SPEG: variants seen among roughly 807,000 people sequenced by gnomAD.
SPEG encodes the protein striated muscle preferentially expressed protein kinase.
A neutral mutation model predicts 300.4 loss-of-function variants in SPEG; 114 were observed. The observed-to-expected ratio is 0.38, with a 90% CI of 0.33 to 0.44. The LOEUF is 0.44. Among genes scored for constraint, SPEG ranks in the 20% least tolerant of loss-of-function variants. The probability of loss-of-function intolerance (pLI) is 1.00; values close to 1 mark genes in which losing one functional copy is unlikely to be tolerated. For missense variants in SPEG, 4,201 were observed against 4,586.2 expected, an observed-to-expected ratio of 0.92 and a Z score of 2.43; for synonymous variants, 1,964 against 2,018.9, an observed-to-expected ratio of 0.97 and a Z score of 0.73.
In SPEG at chr2:219,441,412, C is replaced by G. The variant is rs549465808; in HGVS notation, c.389-3241C>G. ...GCCTTAGGGTTTTCACAGTCTGAGT[C>G]CATGTTAACACGCAGTCCACACCCG... On this transcript the variant is annotated intron_variant, in intron 1 of 40. Transcript: ENST00000312358. The G allele has an allele frequency of 3.2e-3, 1,386 of 436,616 alleles. 18 individuals carry two copies. Among genetic ancestry groups the G allele is most frequent in the South Asian group, 0.019 (1,127 of 60,818 alleles). 27.0% of individuals were successfully genotyped at this position (436,616 alleles called of 1,614,324 possible). A position where few individuals can be genotyped will look rare whatever the true frequency, so the allele number is the denominator to read the frequency against.
chr2:219,453,525 C>T (rs1284810124), intron 6 of SPEG, among the ~76,000 whole-genome samples: 1 of 152,202 alleles, frequency 6.6e-6, no homozygotes, highest in Non-Finnish European at 1.5e-5. Flanking sequence ...CCCATCTGTG[C>T]CTTAGGGACT....
chr2:219,475,736 C>T (rs910042608), intron 18 of SPEG, among the ~76,000 whole-genome samples: 3 of 152,316 alleles, frequency 2.0e-5, no homozygotes, highest in East Asian at 1.9e-4. Context: ...GAACAGTGAC[C>T]GATGGAGCCC....
Position 219,435,371 on chromosome 2 carries a change from G to T in SPEG, c.388+6G>T. The T allele has an allele frequency of 6.5e-7, 1 of 1,528,208 alleles. No homozygotes were observed. The highest frequency in any genetic ancestry group is 2.5e-5 in the East Asian group (1 of 40,130). The allele number at this position is 1,528,208 out of a possible 1,614,324, so 94.7% of individuals were successfully genotyped here. A position where few individuals can be genotyped will look rare whatever the true frequency, so the allele number is the denominator to read the frequency against. ...CACAGTGCTGGAGGTCGGAGGTAAA[G>T]GGCAGGTGGGGGCCGCGCCCGGCAG... On this transcript the variant is annotated splice_donor_region_variant and intron_variant, in intron 1 of 40. Transcript: ENST00000312358.
chr2:219,448,050 C>A lies in SPEG; in HGVS notation c.892C>A (p.Pro298Thr). 2.5e-6 allele frequency: 4 copies of A among 1,611,622 alleles called. No homozygotes were observed. The highest frequency in any genetic ancestry group is 3.4e-6 in the Non-Finnish European group (4 of 1,179,634). The change falls in exon 4 of 41, where the codon CCT becomes ACT. Residue 298 changes from proline to threonine, a missense_variant. By Grantham distance (38) the Pro-to-Thr change is conservative. Around this residue, in one of 4 missense-constraint regions of SPEG, gnomAD observed 1,258 missense variants for 1,293.9 expected, o/e 0.97. Coordinates refer to ENST00000312358, the MANE Select transcript of SPEG (RefSeq NM_005876.5). ...ACTGGCCAGCGAAGCCCCACGCCGCCCTGCCCAGCCGCCTCCTTCCAAATC... is the reference window on the plus strand; with the variant it reads ...ACTGGCCAGCGAAGCCCCACGCCGCACTGCCCAGCCGCCTCCTTCCAAATC... ...PQLASEAPRR[P>T]AQPPPSKSAL... is the part of the protein sequence containing the mutation.
At chr2:219,466,438 G>C in intron 9 of SPEG, 1 of 1,247,294 alleles carries the variant, frequency 8.0e-7, no homozygotes, top group African/African-American at 1.5e-5. Context: ...CTGTGTGTCT[G>C]TGACAGTCAG....
chr2:219,489,321 T>TTC lies in SPEG; in HGVS notation c.8318-5_8318-4dup. Reference sequence around the variant, plus strand: ...GCCCCAAGGCACCACGGTGATGATTTTCTCTCTCTCTTAGATTCTTCAGCT... The same window carrying TTC: ...GCCCCAAGGCACCACGGTGATGATTTTCTCTCTCTCTCTTAGATTCTTCAGCT... On this transcript the variant is annotated splice_polypyrimidine_tract_variant and intron_variant, in intron 35 of 40. Coordinates refer to ENST00000312358, the MANE Select transcript of SPEG (RefSeq NM_005876.5). 2 of 1,613,302 alleles carry TTC rather than the reference T, an allele frequency of 1.2e-6. No homozygotes were observed. Among genetic ancestry groups the TTC allele is most frequent in the South Asian group, 2.2e-5 (2 of 91,036 alleles).
intron 1 of SPEG, among the ~76,000 whole-genome samples, chr2:219,440,114 G>A (rs1954819920): frequency 6.6e-6 from 1 of 152,222 alleles, no homozygotes. Flanking sequence ...CAGGTGCGGT[G>A]GCTCATGCCT....
Position 219,464,856 on chromosome 2 carries a change from A to G in SPEG, c.2881+248A>G. 4.1e-6 allele frequency: 2 copies of G among 482,746 alleles called. No individual in the cohort carries two copies. The highest frequency in any genetic ancestry group is 7.4e-6 in the Non-Finnish European group (2 of 270,120). The allele number at this position is 482,746 out of a possible 1,614,324, so 29.9% of individuals were successfully genotyped here. The stretch of plus-strand genomic sequence containing the variant: ...ACAACACCACCTTCCCTGTTGCTCC[A>G]TCACGGAGCCCTGGCGGCAGCCAGA... On this transcript the variant is annotated intron_variant, in intron 9 of 40. Coordinates refer to ENST00000312358, the MANE Select transcript of SPEG (RefSeq NM_005876.5). This position sits in a 1 kb window ranked among gnomAD's most constrained non-coding sequence, Gnocchi z 4.5.
Position 219,467,296 on chromosome 2 carries a change from C to T in SPEG, c.3004C>T (p.Leu1002=), listed in dbSNP as rs114572727. The part of the protein sequence containing the change: ...AGPTDVEVDW[L]CRGRLLQPAL... ...GCCCACTGACGTGGAGGTGGATTGG[C>T]TGTGCCGTGGCCGCCTGCTGCAGCC... Residue 1002 remains leucine, a synonymous_variant, in exon 10 of 41, where the codon CTG becomes TTG. Transcript: ENST00000312358. 5.0e-4 allele frequency: 804 copies of T among 1,610,536 alleles called. 5 individuals are homozygous for T. In the African/African-American group the frequency reaches 9.7e-3, roughly 19 times the overall value.
chr2:219,476,812 C>A (rs1692385700), intron 18 of SPEG, 58 bp from the exon 19 acceptor site: 1 of 1,363,140 alleles, frequency 7.3e-7, no homozygotes, highest in Non-Finnish European at 1.0e-6. Context: ...GCTGAGGAGG[C>A]AGGGTAAAGC....
At chr2:219,457,068 T>C (rs1283543784) in intron 6 of SPEG, among the ~76,000 whole-genome samples, 3 of 152,220 alleles carry the variant, frequency 2.0e-5, no homozygotes, top group Non-Finnish European at 4.4e-5. Context: ...GAAACATTCA[T>C]GTCAGCACCC....
chr2:219,455,885 A>C (rs1690141393), intron 6 of SPEG, among the ~76,000 whole-genome samples: 2 of 152,092 alleles, frequency 1.3e-5, no homozygotes, highest in South Asian at 4.2e-4. Flanking sequence ...AGGAAGTGGG[A>C]GTATGGGAGG....
In SPEG at chr2:219,484,560, C is replaced by T; in HGVS notation, c.7097C>T (p.Ala2366Val). ...RSEERGPFRGAEEEDGIYRPS... is the reference protein window; with the variant it reads ...RSEERGPFRGVEEEDGIYRPS... ...GAGGAGCGCGGCCCCTTCCGTGGGG[C>T]CGAGGAGGAGGATGGCATATACCGG... The change falls in exon 30 of 41, where the codon GCC (alanine) becomes GTC (valine). Residue 2366 changes from alanine (A) to valine (V), a missense_variant. Physicochemically the swap from Ala to Val is moderately conservative, Grantham distance 64 (BLOSUM62 0). Around this residue, in one of 4 missense-constraint regions of SPEG, gnomAD observed 1,578 missense variants for 1,506.0 expected, o/e 1.05. Coordinates refer to ENST00000312358, the MANE Select transcript of SPEG (RefSeq NM_005876.5). 1 of 1,587,644 alleles carries T rather than the reference C, an allele frequency of 6.3e-7. No individual in the cohort carries two copies. Among genetic ancestry groups the T allele is most frequent in the Non-Finnish European group, 8.5e-7 (1 of 1,171,188 alleles).
rs1171393260 is a variant in SPEG at position 219,459,465 on chromosome 2, C to CA, written c.2441-2417_2441-2416insA. On this transcript the variant is annotated intron_variant, in intron 6 of 40. Transcript: ENST00000312358. The surrounding 1 kb of genome is among the most constrained non-coding windows in gnomAD (Gnocchi z 4.9). The stretch of plus-strand genomic sequence containing the variant: ...TGGAGGTATGGAGGGGCAGAGGCTA[C>CA]TGCCTTGTCTGGAAGAGGCCTGGGC... 2.6e-5 allele frequency among the ~76,000 whole-genome samples: 4 copies of CA among 152,208 alleles called. No individual in the cohort carries two copies. The highest frequency in any genetic ancestry group is 5.9e-5 in the Non-Finnish European group (4 of 68,030).
At chr2:219,450,162 G>A (rs1689635958) in intron 4 of SPEG, among the ~76,000 whole-genome samples, 1 of 152,196 alleles carries the variant, frequency 6.6e-6, no homozygotes, top group Non-Finnish European at 1.5e-5. Context: ...AATCTTTAGA[G>A]ATAATTAGGC....
chr2:219,452,810 G>T (rs1001370923), intron 6 of SPEG, among the ~76,000 whole-genome samples: 1 of 152,182 alleles, frequency 6.6e-6, no homozygotes, highest in Non-Finnish European at 1.5e-5. Flanking sequence ...ATGAAGTGCT[G>T]CAGGAGACAA....
In SPEG at chr2:219,481,201, C is replaced by A; in HGVS notation, c.5370-103C>A. On this transcript the variant is annotated intron_variant, in intron 26 of 40. Transcript: ENST00000312358. The surrounding 1 kb of genome is among the most constrained non-coding windows in gnomAD (Gnocchi z 5.4). ...CCCACATTTGCCCAGCCTCTGTCAT[C>A]CTCACAACCCCAGAGCCTCCATCTG... 1 of 1,290,544 alleles carries A rather than the reference C, an allele frequency of 7.7e-7. No individual in the cohort carries two copies. Among genetic ancestry groups the A allele is most frequent in the South Asian group, 1.3e-5 (1 of 74,260 alleles). The allele number at this position is 1,290,544 out of a possible 1,614,324, so 79.9% of individuals were successfully genotyped here. A position where few individuals can be genotyped will look rare whatever the true frequency, so the allele number is the denominator to read the frequency against.
At chr2:219,460,238 C>A in intron 6 of SPEG, 1 of 914,908 alleles carries the variant, frequency 1.1e-6, no homozygotes, top group Non-Finnish European at 1.3e-6. Context: ...GGATTCTGGG[C>A]CCCCTCAGAT....
rs781537496 is a variant in SPEG, at chr2:219,467,145, C to T, written c.2882-29C>T. On this transcript the variant is annotated intron_variant, in intron 9 of 40. Transcript: ENST00000312358. ...TCACCCTGTGTGTCTCTGCTCTGTG[C>T]GTGGCCCCCGTGGCTGCTTTCCCCT... 2.6e-5 allele frequency: 41 copies of T among 1,551,094 alleles called. 1 individual carries two copies. Among genetic ancestry groups the T allele is most frequent in the Middle Eastern group, 1.8e-4 (1 of 5,640 alleles).
Sources: allele counts gnomAD v4.1 joint callset (sites outside exome capture counted in the v4.1 genomes callset), GRCh38; gene constraint gnomAD v4.1.1; regional missense constraint gnomAD v4.1.1; non-coding constraint Gnocchi (gnomAD v3.1); transcripts MANE v1.5; gene names NCBI Gene and HGNC (gene_info 2026-07-23, HGNC 2026-07-21).